Variants in MED12L observed in about 807,000 individuals in gnomAD.
MED12L encodes the protein mediator of RNA polymerase II transcription subunit 12-like protein.
In MED12L, 60 loss-of-function variants were observed where a neutral mutation model predicts 281.3. That is an observed-to-expected ratio of 0.21 (90% CI 0.17 to 0.26). The LOEUF (loss-of-function observed/expected upper bound fraction) is 0.26, where lower values mean the gene tolerates loss of function less well. MED12L is among the 10% of genes least tolerant of loss of function. The probability of loss-of-function intolerance (pLI) is 1.00; values close to 1 mark genes in which losing one functional copy is unlikely to be tolerated. For synonymous variants in MED12L, 974 were observed against 987.2 expected, an observed-to-expected ratio of 0.99 and a Z score of 0.25; for missense variants, 2,146 against 2,680.9, an observed-to-expected ratio of 0.80 and a Z score of 4.41.
chr3:151,262,969 G>A (rs1356635578), intron 16 of MED12L, among the ~76,000 whole-genome samples: 1 of 152,162 alleles, frequency 6.6e-6, no homozygotes. Flanking sequence ...GGAAGCCGTA[G>A]TTCTCTAGGG....
intron 31 of MED12L, among the ~76,000 whole-genome samples, chr3:151,379,633 G>T (rs1434929767): frequency 6.6e-6 from 1 of 152,110 alleles, no homozygotes; most frequent in African/African-American, 2.4e-5. Context: ...CTGCTTTTTG[G>T]TCTTGGGAAA....
chr3:151,431,298 C>G (rs1413909269), intron 44 of MED12L, among the ~76,000 whole-genome samples: 1 of 152,180 alleles, frequency 6.6e-6, no homozygotes, highest in Non-Finnish European at 1.5e-5. Flanking sequence ...TGGTGCAGGT[C>G]TGGTAGCCTG....
At chr3:151,357,134 T>C (rs1754032558) in intron 19 of MED12L, 79 bp from the exon 20 acceptor site, 1 of 1,240,156 alleles carries the variant, frequency 8.1e-7, no homozygotes, top group African/African-American at 1.5e-5. Flanking sequence ...ACTCAGTATA[T>C]CTATGGTTTA....
Position 151,214,039 on chromosome 3 carries a change from A to G in MED12L, c.2250+20373A>G, listed in dbSNP as rs141377422. The G allele has an allele frequency of 2.3e-4, 367 of 1,614,200 alleles. No homozygotes were observed. In the African/African-American group the frequency reaches 4.2e-3, roughly 18 times the overall value. ...GAAGAGCACGGCAGAGACCCTGCAC[A>G]CAAACACGTTCAGCTGCCAGGGACC... On this transcript the variant is annotated intron_variant, in intron 16 of 44. Transcript: ENST00000687756.
chr3:151,396,709 A>G (rs925336291), intron 39 of MED12L, among the ~76,000 whole-genome samples: 32 of 152,340 alleles, frequency 2.1e-4, no homozygotes, highest in African/African-American at 7.5e-4. Flanking sequence ...TTTTATCACA[A>G]GGCATAGTTT....
intron 16 of MED12L, chr3:151,329,651 C>T (rs1750129076): frequency 3.5e-6 from 2 of 575,990 alleles, no homozygotes; most frequent in East Asian, 6.3e-5. Flanking sequence ...ACCTTTGGGA[C>T]ATTTGCTAAT....
chr3:151,176,655 T>C (rs1277810634), intron 11 of MED12L, among the ~76,000 whole-genome samples: 1 of 152,164 alleles, frequency 6.6e-6, no homozygotes, highest in Non-Finnish European at 1.5e-5. Flanking sequence ...ATAATCCTTT[T>C]ATGCAAACTG....
intron 5 of MED12L, among the ~76,000 whole-genome samples, chr3:151,142,420 A>T (rs1447638549): frequency 6.6e-6 from 1 of 152,238 alleles, no homozygotes; most frequent in Non-Finnish European, 1.5e-5. Flanking sequence ...TTAAGAAAAG[A>T]TAGCTTCTTG....
intron 9 of MED12L, among the ~76,000 whole-genome samples, chr3:151,164,570 T>C (rs1042928969): frequency 2.6e-5 from 4 of 152,286 alleles, no homozygotes; most frequent in South Asian, 2.1e-4. Flanking sequence ...TGCAGCACTA[T>C]TCGCAATAGC....
intron 16 of MED12L, among the ~76,000 whole-genome samples, chr3:151,303,568 G>A (rs1035490970): frequency 2.6e-5 from 4 of 152,158 alleles, no homozygotes; most frequent in African/African-American, 9.7e-5. Flanking sequence ...TTTGAGACAA[G>A]CCTGGCCAAC....
chr3:151,397,976 TCTAGTAAC>T (rs754115503), intron 39 of MED12L, among the ~76,000 whole-genome samples: 79 of 152,200 alleles, frequency 5.2e-4, no homozygotes, highest in Non-Finnish European at 8.8e-4. Flanking sequence ...ACGACAGTTT[TCTAGTAAC>T]CCACTGGTTA....
At chr3:151,408,380 G>A (rs1483782004) in intron 39 of MED12L, among the ~76,000 whole-genome samples, 1 of 152,064 alleles carries the variant, frequency 6.6e-6, no homozygotes, top group Non-Finnish European at 1.5e-5. Context: ...ATAGCTTTAT[G>A]TAACTATAAT....
At chr3:151,206,000 G>A (rs1302554876) in intron 16 of MED12L, among the ~76,000 whole-genome samples, 15 of 151,956 alleles carry the variant, frequency 9.9e-5, no homozygotes, top group South Asian at 4.2e-4. Context: ...TTCTGCCACA[G>A]CCTGTGCAAC....
chr3:151,162,986 C>T (rs1306443022), intron 8 of MED12L, among the ~76,000 whole-genome samples: 1 of 152,050 alleles, frequency 6.6e-6, no homozygotes, highest in Non-Finnish European at 1.5e-5. Context: ...TAGTGTTCAG[C>T]GTAGACTAAG....
intron 16 of MED12L, chr3:151,337,835 AT>A: frequency 6.2e-7 from 1 of 1,613,982 alleles, no homozygotes; most frequent in Non-Finnish European, 8.5e-7. Flanking sequence ...GAGTCTCTTC[AT>A]TTGGGTCACC....
In MED12L at chr3:151,231,142, T is replaced by G. The variant is rs1453658427; in HGVS notation, c.2250+37476T>G. On this transcript the variant is annotated intron_variant, in intron 16 of 44. Coordinates refer to ENST00000687756, the MANE Select transcript of MED12L (RefSeq NM_001393769.1). ...CAGGAGTTTATGGTGATATTAAAAG[T>G]ACAGATTACAAAAAGGTAGGATGCA... 2.0e-5 allele frequency among the ~76,000 whole-genome samples: 3 copies of G among 152,170 alleles called. No homozygotes were observed. The East Asian group carries it at 5.8e-4, about 29-fold the overall frequency.
chr3:151,318,976 G>T (rs774803149), intron 16 of MED12L, among the ~76,000 whole-genome samples: 1 of 152,268 alleles, frequency 6.6e-6, no homozygotes. Context: ...TAAGCAACGT[G>T]CCCGGGACGG....
intron 16 of MED12L, among the ~76,000 whole-genome samples, chr3:151,256,561 T>C (rs1198235398): frequency 3.9e-5 from 6 of 152,184 alleles, no homozygotes; most frequent in Admixed American, 1.3e-4. Context: ...ATTTTTTTCC[T>C]AATGTAGGCA....
At chr3:151,395,915 C>CAG (rs1714903730) in intron 39 of MED12L, among the ~76,000 whole-genome samples, 1 of 152,152 alleles carries the variant, frequency 6.6e-6, no homozygotes, top group Admixed American at 6.5e-5. Context: ...TGCATTTGGG[C>CAG]CACTTAGTGA....
Sources: allele counts gnomAD v4.1 joint callset (sites outside exome capture counted in the v4.1 genomes callset), GRCh38; gene constraint gnomAD v4.1.1; transcripts MANE v1.5; gene names NCBI Gene and HGNC (gene_info 2026-07-23, HGNC 2026-07-21).